ERC1: variants seen among roughly 807,000 people sequenced by gnomAD.
ERC1 encodes the protein ELKS/RAB6-interacting/CAST family member 1.
In ERC1, 56 loss-of-function variants were observed where a neutral mutation model predicts 132.0. That is an observed-to-expected ratio of 0.42 (90% CI 0.34 to 0.53). ERC1 has a LOEUF of 0.53. ERC1 is among the 20% of genes least tolerant of loss of function. The pLI, the probability that ERC1 is intolerant of heterozygous loss-of-function variation, is 0.03. For synonymous variants in ERC1, 478 were observed against 476.1 expected, an observed-to-expected ratio of 1.00 and a Z score of -0.05; for missense variants, 1,202 against 1,349.9, an observed-to-expected ratio of 0.89 and a Z score of 1.72.
intron 15 of ERC1, among the ~76,000 whole-genome samples, chr12:1,360,171 G>T (rs2085949971): frequency 6.6e-6 from 1 of 152,212 alleles, no homozygotes; most frequent in East Asian, 1.9e-4. Context: ...TTAAATTTCA[G>T]TTATGTTGTC....
chr12:1,141,333 A>C (rs1380788886), intron 7 of ERC1, among the ~76,000 whole-genome samples: 1 of 152,164 alleles, frequency 6.6e-6, no homozygotes, highest in Admixed American at 6.5e-5. Flanking sequence ...ACTTGTTAGA[A>C]ATACTGATTT....
chr12:1,051,400 A>G (rs73033133), intron 2 of ERC1, among the ~76,000 whole-genome samples: 11,721 of 152,098 alleles, frequency 0.077, 1,021 homozygotes, highest in African/African-American at 0.22. Flanking sequence ...TTAGAAATAA[A>G]GAAGACTGGC....
rs1238035724 is a variant in ERC1 at position 1,491,270 on chromosome 12, C to T, written c.*1040C>T. 2 of 231,062 alleles carry T rather than the reference C, an allele frequency of 8.7e-6. No homozygotes were observed. The highest frequency in any genetic ancestry group is 6.1e-5 in the East Asian group (1 of 16,348). 14.3% of individuals were successfully genotyped at this position (231,062 alleles called of 1,614,324 possible). A position where few individuals can be genotyped will look rare whatever the true frequency, so the allele number is the denominator to read the frequency against. Reference sequence around the variant, plus strand: ...CCAGTGGCTGCTGAAGTTGTGATCCCTCACTCACCCTGCTAGCTTTGCCCT... The same window carrying T: ...CCAGTGGCTGCTGAAGTTGTGATCCTTCACTCACCCTGCTAGCTTTGCCCT... On this transcript the variant is annotated 3_prime_UTR_variant, in exon 19 of 19. Coordinates refer to ENST00000360905, the MANE Select transcript of ERC1 (RefSeq NM_178040.4).
At chr12:1,180,253 ATGTGTGTGTG>A (rs3216970) in intron 8 of ERC1, among the ~76,000 whole-genome samples, 1 of 146,602 alleles carries the variant, frequency 6.8e-6, no homozygotes, top group African/African-American at 2.5e-5. Context: ...TTTGTTAGGG[ATGTGTGTGTG>A]TGTGTGTGTG....
chr12:1,059,303 T>G (rs1167916872), intron 2 of ERC1, among the ~76,000 whole-genome samples: 1 of 152,232 alleles, frequency 6.6e-6, no homozygotes, highest in African/African-American at 2.4e-5. Context: ...ACTGCCTCTT[T>G]TGCAATCTGG....
intron 14 of ERC1, among the ~76,000 whole-genome samples, chr12:1,280,050 G>A (rs1175740778): frequency 6.6e-6 from 1 of 152,144 alleles, no homozygotes. Context: ...TCTGTAGCAG[G>A]AAGCACTCTT....
intron 3 of ERC1, among the ~76,000 whole-genome samples, chr12:1,097,842 G>A (rs1944236686): frequency 6.6e-6 from 1 of 151,586 alleles, no homozygotes; most frequent in Non-Finnish European, 1.5e-5. Flanking sequence ...AGCCTCCCGA[G>A]TAGCTGGGAT....
intron 17 of ERC1, among the ~76,000 whole-genome samples, chr12:1,437,148 T>C (rs939094099): frequency 2.0e-5 from 3 of 152,210 alleles, no homozygotes; most frequent in African/African-American, 7.2e-5. Flanking sequence ...TCCTGGAATT[T>C]CTGAGTGCAG....
intron 8 of ERC1, among the ~76,000 whole-genome samples, chr12:1,174,678 A>T (rs192274231): frequency 6.6e-6 from 1 of 152,380 alleles, no homozygotes; most frequent in East Asian, 1.9e-4. Flanking sequence ...GGGTGTTTGT[A>T]TATTAGGTAG....
chr12:1,336,188 T>G (rs2083296842), intron 15 of ERC1, among the ~76,000 whole-genome samples: 1 of 152,124 alleles, frequency 6.6e-6, no homozygotes, highest in Non-Finnish European at 1.5e-5. Flanking sequence ...TATTAATTTT[T>G]TTTTAAAAAA....
At chr12:1,394,225 C>T (rs190156133) in intron 16 of ERC1, among the ~76,000 whole-genome samples, 2,594 of 150,896 alleles carry the variant, frequency 0.017, 71 homozygotes, top group African/African-American at 0.06. Flanking sequence ...ACGGTGAAAC[C>T]CCATCTCTAC....
chr12:1,431,933 G>A (rs1053259934), intron 17 of ERC1, among the ~76,000 whole-genome samples: 6 of 152,194 alleles, frequency 3.9e-5, no homozygotes, highest in Non-Finnish European at 8.8e-5. Context: ...GGAGTGCAGT[G>A]GTGCAATCGC....
intron 15 of ERC1, among the ~76,000 whole-genome samples, chr12:1,358,189 G>A (rs1595213832): frequency 6.7e-6 from 1 of 148,560 alleles, no homozygotes. Flanking sequence ...ACCCCAACCC[G>A]GACAACATAG....
At chr12:1,102,686 G>T (rs1415470669) in intron 3 of ERC1, among the ~76,000 whole-genome samples, 3 of 152,190 alleles carry the variant, frequency 2.0e-5, no homozygotes, top group Non-Finnish European at 4.4e-5. Flanking sequence ...ATGAAACAAA[G>T]ATCTTAGCTT....
chr12:1,017,382 A>G (rs967700730), intron 1 of ERC1, among the ~76,000 whole-genome samples: 1 of 152,198 alleles, frequency 6.6e-6, no homozygotes, highest in African/African-American at 2.4e-5. Flanking sequence ...TAATAAACAC[A>G]TAATTTAAGA....
upstream of ERC1, chr12:990,507 G>C (rs998672120): frequency 6.6e-6 from 1 of 152,230 alleles, no homozygotes; most frequent in African/African-American, 2.4e-5. Context: ...GCACAGCGCA[G>C]GGTCGGAACG....
intron 15 of ERC1, among the ~76,000 whole-genome samples, chr12:1,355,961 T>A (rs529839414): frequency 6.6e-6 from 1 of 152,174 alleles, no homozygotes. Context: ...GTCCTAGCAC[T>A]TTGGGAGGCC....
At chr12:1,294,521 C>G (rs912673205) in intron 15 of ERC1, among the ~76,000 whole-genome samples, 1 of 152,278 alleles carries the variant, frequency 6.6e-6, no homozygotes, top group East Asian at 1.9e-4. Context: ...TAAAAATGTG[C>G]TTACCTGTGT....
rs150766159 is a variant in ERC1 at position 1,445,994 on chromosome 12, C to T, written c.3213+1244C>T. On this transcript the variant is annotated intron_variant, in intron 18 of 18. Transcript: ENST00000360905. ...TGGTTTCTGGTTCCTTGTGTCCTGT[C>T]GCATGCTGCTGACCTCATGACCTAA... is the stretch of plus-strand genomic sequence containing the variant. Among the ~76,000 whole-genome samples the T allele has an allele frequency of 8.7e-3, 1,326 of 152,270 alleles. 16 individuals are homozygous for T. The highest frequency in any genetic ancestry group is 0.03 in the African/African-American group (1,256 of 41,544).
Sources: allele counts gnomAD v4.1 joint callset (sites outside exome capture counted in the v4.1 genomes callset), GRCh38; gene constraint gnomAD v4.1.1; transcripts MANE v1.5; gene names NCBI Gene and HGNC (gene_info 2026-07-23, HGNC 2026-07-21).